EBF2: variants seen among roughly 807,000 people sequenced by gnomAD.
EBF2 encodes the protein transcription factor COE2.
In EBF2, 21 loss-of-function variants were observed where a neutral mutation model predicts 72.8. The ratio of observed to expected loss-of-function variants is 0.29; its 90% CI spans 0.20 to 0.42. The LOEUF is 0.42. Among genes scored for constraint, EBF2 ranks in the 10% least tolerant of loss-of-function variants. EBF2 has a pLI of 1.00. For synonymous variants in EBF2, 299 were observed against 274.2 expected, an observed-to-expected ratio of 1.09 and a Z score of -0.89; for missense variants, 637 against 731.2, an observed-to-expected ratio of 0.87 and a Z score of 1.49.
intron 14 of EBF2, among the ~76,000 whole-genome samples, chr8:25,854,471 C>T (rs1802043680): frequency 6.6e-6 from 1 of 152,244 alleles, no homozygotes; most frequent in East Asian, 1.9e-4. Flanking sequence ...GGCAGAATCT[C>T]ATTAGTTGTG....
intron 6 of EBF2, among the ~76,000 whole-genome samples, chr8:26,012,938 T>A (rs1805050333): frequency 6.6e-6 from 1 of 152,160 alleles, no homozygotes; most frequent in Non-Finnish European, 1.5e-5. Flanking sequence ...ATGCCAAGGA[T>A]AAACAAAGAT....
chr8:25,871,433 G>A (rs1802438391), intron 10 of EBF2, among the ~76,000 whole-genome samples: 1 of 152,188 alleles, frequency 6.6e-6, no homozygotes, highest in African/African-American at 2.4e-5. Context: ...TTAAAAATAT[G>A]CTTCAATCTA....
At chr8:25,955,265 T>C (rs965058359) in intron 6 of EBF2, among the ~76,000 whole-genome samples, 1 of 152,178 alleles carries the variant, frequency 6.6e-6, no homozygotes. Context: ...AAGTTTGTGC[T>C]CTAGGAAGTT....
chr8:25,899,685 G>A (rs1802918226), intron 7 of EBF2, among the ~76,000 whole-genome samples: 1 of 152,206 alleles, frequency 6.6e-6, no homozygotes, highest in Admixed American at 6.5e-5. Context: ...CAAGACATGA[G>A]TAGCCGTGCC....
At position 26,044,778 on chromosome 8, in the gene EBF2, A is replaced by G; in HGVS notation, c.82T>C (p.Ser28Pro). Residue 28 changes from serine to proline, a missense_variant, in exon 1 of 16, where the codon TCC becomes CCC. Ser to Pro is a moderately conservative substitution (Grantham distance 74). This residue lies in a region of EBF2 where 174 missense variants were observed against 161.9 expected (regional missense o/e 1.07). Coordinates refer to ENST00000520164, the MANE Select transcript of EBF2 (RefSeq NM_022659.4). This position sits in a 1 kb window ranked among gnomAD's most constrained non-coding sequence, Gnocchi z 4.1. ...ACCACTCCGACATTCCGGACCCAGG[A>G]CCTGACCGAATCCATCTCCGCGCCC... is the stretch of plus-strand genomic sequence containing the variant. The part of the protein sequence containing the change: ...SLGAEMDSVR[S>P]WVRNVGVVDA... The G allele has an allele frequency of 6.2e-7, 1 of 1,614,156 alleles. No homozygotes were observed. Among genetic ancestry groups the G allele is most frequent in the Non-Finnish European group, 8.5e-7 (1 of 1,180,026 alleles).
intron 6 of EBF2, among the ~76,000 whole-genome samples, chr8:25,942,344 G>T (rs1803688279): frequency 6.6e-6 from 1 of 152,252 alleles, no homozygotes. Context: ...GGCACTTAGA[G>T]TGTCCACACT....
At chr8:25,994,904 A>C (rs1005507924) in intron 6 of EBF2, among the ~76,000 whole-genome samples, 1 of 152,268 alleles carries the variant, frequency 6.6e-6, no homozygotes. Context: ...ACAAATGTGC[A>C]CATGCACCCT....
chr8:25,894,867 C>T (rs571227938), intron 7 of EBF2, among the ~76,000 whole-genome samples: 43 of 152,286 alleles, frequency 2.8e-4, no homozygotes, highest in Non-Finnish European at 4.0e-4. Flanking sequence ...AGGTGCCATT[C>T]GGAGGTGCCT....
chr8:25,882,796 T>C (rs1173626947), intron 10 of EBF2, among the ~76,000 whole-genome samples: 2 of 152,204 alleles, frequency 1.3e-5, no homozygotes, highest in Non-Finnish European at 1.5e-5. Context: ...TGTCAGTGCA[T>C]TGTAATGTCA....
chr8:26,042,057 T>A (rs1466526244), intron 2 of EBF2, 38 bp downstream of exon 2: 1 of 1,603,234 alleles, frequency 6.2e-7, no homozygotes, highest in East Asian at 2.2e-5. Context: ...AAGAGGGAGT[T>A]ATTAGGCCGC....
At position 25,956,083 on chromosome 8, in the gene EBF2, G is replaced by T. The variant is rs557926806; in HGVS notation, c.552-47528C>A. 8.5e-5 allele frequency among the ~76,000 whole-genome samples: 13 copies of T among 152,148 alleles called. 1 individual carries two copies. The East Asian group carries it at 1.8e-3, about 21-fold the overall frequency. On this transcript the variant is annotated intron_variant, in intron 6 of 15. Transcript: ENST00000520164. ...GTGGTACCAAATGGGCAGGTGTGTA[G>T]GTCTGCACAGGGATGGGGAGGGAGA...
rs115025434 is a variant in EBF2 at position 25,920,931 on chromosome 8, C to G, written c.552-12376G>C. On this transcript the variant is annotated intron_variant, in intron 6 of 15. Transcript: ENST00000520164. ...CCTAAAAGTTGGTGGGGGTGGGGAG[C>G]AGTAAATTGGGAAGAAGGGATGACT... Among the ~76,000 whole-genome samples, 925 of 151,898 alleles carry G rather than the reference C, an allele frequency of 6.1e-3. 7 individuals carry two copies. The highest frequency in any genetic ancestry group is 0.021 in the African/African-American group (881 of 41,378).
chr8:25,976,635 T>TA (rs5890272), intron 6 of EBF2, among the ~76,000 whole-genome samples: 54,600 of 151,674 alleles, frequency 0.36, 10,668 homozygotes, highest in South Asian at 0.53. Flanking sequence ...GGGGCTTTCT[T>TA]AAAAACAAAA....
chr8:26,006,609 A>C (rs1281208398), intron 6 of EBF2, among the ~76,000 whole-genome samples: 19 of 152,202 alleles, frequency 1.2e-4, no homozygotes. Context: ...ATGTCGTCCA[A>C]TTAATTACAT....
At chr8:25,884,774 T>C (rs993728409) in intron 10 of EBF2, among the ~76,000 whole-genome samples, 2 of 152,024 alleles carry the variant, frequency 1.3e-5, no homozygotes, top group African/African-American at 4.8e-5. Context: ...CCACAGAAAA[T>C]AACACCTGAG....
chr8:25,987,878 T>C (rs2321719), intron 6 of EBF2, among the ~76,000 whole-genome samples: 49,155 of 151,922 alleles, frequency 0.32, 8,767 homozygotes, highest in South Asian at 0.43. Context: ...CACAGGTATA[T>C]ACTACAGTAA....
chr8:26,000,991 G>C (rs1238442759), intron 6 of EBF2, among the ~76,000 whole-genome samples: 1 of 152,180 alleles, frequency 6.6e-6, no homozygotes, highest in Non-Finnish European at 1.5e-5. Flanking sequence ...CTCAACGAGG[G>C]GCCATAAATG....
intron 6 of EBF2, among the ~76,000 whole-genome samples, chr8:25,996,295 CA>C (rs72054331): frequency 0.52 from 65,042 of 125,304 alleles, 15,719 homozygotes; most frequent in Admixed American, 0.61. Context: ...GACCCTGTCT[CA>C]AAAAAAAAAA....
intron 13 of EBF2, among the ~76,000 whole-genome samples, chr8:25,859,902 A>G (rs1802179515): frequency 6.6e-6 from 1 of 151,948 alleles, no homozygotes; most frequent in Admixed American, 6.6e-5. Flanking sequence ...TTTTTTGTAG[A>G]CACAGGGTTT....
Sources: allele counts gnomAD v4.1 joint callset (sites outside exome capture counted in the v4.1 genomes callset), GRCh38; gene constraint gnomAD v4.1.1; regional missense constraint gnomAD v4.1.1; non-coding constraint Gnocchi (gnomAD v3.1); transcripts MANE v1.5; gene names NCBI Gene and HGNC (gene_info 2026-07-23, HGNC 2026-07-21).